Variants in SOHLH2 observed in about 807,000 individuals in gnomAD.
The protein encoded by SOHLH2 is spermatogenesis and oogenesis specific basic helix-loop-helix 2, also known as spermatogenesis- and oogenesis-specific basic helix-loop-helix-containing protein 2.
A neutral mutation model predicts 50.4 loss-of-function variants in SOHLH2; 22 were observed. The ratio of observed to expected loss-of-function variants is 0.44; its 90% CI spans 0.31 to 0.62. The LOEUF is 0.62. SOHLH2 is among the 20% of genes least tolerant of loss of function. The probability of loss-of-function intolerance (pLI) is 0.08; values close to 1 mark genes in which losing one functional copy is unlikely to be tolerated. For missense variants in SOHLH2, 412 were observed against 504.4 expected (o/e 0.82, Z 1.76); for synonymous variants, 185 against 187.3 (o/e 0.99, Z 0.10).
intron 9 of SOHLH2, among the ~76,000 whole-genome samples, chr13:36,171,874 T>TA (rs1001767261): frequency 1.3e-5 from 2 of 151,936 alleles, no homozygotes; most frequent in African/African-American, 4.8e-5. Flanking sequence ...CAAAGTTAAG[T>TA]AAAAAAATTC....
At chr13:36,181,902 G>T in intron 6 of SOHLH2, 1 of 525,612 alleles carries the variant, frequency 1.9e-6, no homozygotes, top group Non-Finnish European at 2.4e-6. Flanking sequence ...ATCTGAAAAT[G>T]TCTTTATCTT....
chr13:36,189,070 C>A (rs1474858887), intron 6 of SOHLH2, among the ~76,000 whole-genome samples: 1 of 152,116 alleles, frequency 6.6e-6, no homozygotes, highest in East Asian at 1.9e-4. Context: ...GGGAGTTACA[C>A]CTCACTTATC....
intron 2 of SOHLH2, among the ~76,000 whole-genome samples, chr13:36,194,608 A>C (rs529937548): frequency 2.6e-5 from 4 of 152,326 alleles, no homozygotes; most frequent in African/African-American, 9.6e-5. Context: ...GAAATTTTTC[A>C]AATAAAACTT....
chr13:36,189,872 AC>A (rs1359256745), intron 6 of SOHLH2, 73 bp downstream of exon 6: 5 of 1,384,490 alleles, frequency 3.6e-6, no homozygotes, highest in African/African-American at 1.5e-5. Context: ...TAATAATACT[AC>A]AAAAAATTAT....
chr13:36,192,980 G>A (rs183788936), intron 4 of SOHLH2, among the ~76,000 whole-genome samples: 9 of 152,150 alleles, frequency 5.9e-5, no homozygotes, highest in Non-Finnish European at 5.9e-5. Context: ...ATCCCAGGCC[G>A]AGAAAGACCA....
chr13:36,212,266 A>G (rs1193111600), intron 1 of SOHLH2, among the ~76,000 whole-genome samples: 2 of 152,172 alleles, frequency 1.3e-5, no homozygotes, highest in South Asian at 4.1e-4. Flanking sequence ...GACATAAAGC[A>G]GCTCTGGAAA....
Position 36,206,146 on chromosome 13 carries a change from A to G in SOHLH2, c.49-4053T>C, listed in dbSNP as rs117385188. On this transcript the variant is annotated intron_variant, in intron 1 of 10. Transcript: ENST00000379881. Reference sequence around the variant, plus strand: ...CATGCGGCTATTTAAACTTATGTTAATTAAAATTAATTAAAGTTTGAAATT... The same window carrying G: ...CATGCGGCTATTTAAACTTATGTTAGTTAAAATTAATTAAAGTTTGAAATT... 9.9e-3 allele frequency among the ~76,000 whole-genome samples: 1,507 copies of G among 152,124 alleles called. 8 individuals carry two copies. Among genetic ancestry groups the G allele is most frequent in the Non-Finnish European group, 0.017 (1,174 of 67,906 alleles).
At chr13:36,193,036 G>A (rs372132819) in intron 4 of SOHLH2, among the ~76,000 whole-genome samples, 127 of 152,204 alleles carry the variant, frequency 8.3e-4, no homozygotes, top group Middle Eastern at 3.4e-3. Context: ...TTTAATTTCC[G>A]TAATTGGAGT....
intron 2 of SOHLH2, among the ~76,000 whole-genome samples, chr13:36,196,020 G>T (rs1360350104): frequency 6.6e-6 from 1 of 151,804 alleles, no homozygotes; most frequent in Admixed American, 6.6e-5. Context: ...GGAATAGGGG[G>T]ATCAGAATGA....
At position 36,198,270 on chromosome 13, in the gene SOHLH2, G is replaced by A. The variant is rs564659751; in HGVS notation, c.263+3609C>T. 9.2e-5 allele frequency among the ~76,000 whole-genome samples: 14 copies of A among 152,214 alleles called. No individual in the cohort carries two copies. In the East Asian group the frequency reaches 2.1e-3, roughly 23 times the overall value. On this transcript the variant is annotated intron_variant, in intron 2 of 10. Coordinates refer to ENST00000379881, the MANE Select transcript of SOHLH2 (RefSeq NM_017826.3). ...GAACCATTTCATTGAGAAGAAAACC[G>A]CAACTCCCCATATACTGACGAGTTT...
At chr13:36,174,419 T>C (rs1056999145) in intron 8 of SOHLH2, 57 bp downstream of exon 8, 155 of 1,603,676 alleles carry the variant, frequency 9.7e-5, no homozygotes, top group Non-Finnish European at 1.3e-4. Context: ...ATATTTAGCA[T>C]CAACATGGGA....
intron 4 of SOHLH2, among the ~76,000 whole-genome samples, chr13:36,192,418 T>G (rs1467648561): frequency 6.6e-6 from 1 of 151,956 alleles, no homozygotes; most frequent in Non-Finnish European, 1.5e-5. Flanking sequence ...TAAGAAGAGG[T>G]TGCAAAAGCC....
intron 6 of SOHLH2, among the ~76,000 whole-genome samples, chr13:36,184,976 G>A (rs147498646): frequency 1.0e-3 from 152 of 151,854 alleles, no homozygotes; most frequent in African/African-American, 3.5e-3. Flanking sequence ...CTGTGTCCAC[G>A]GGTTCTCATT....
chr13:36,191,748 A>C (rs752921661), intron 5 of SOHLH2, 47 bp downstream of exon 5: 2 of 1,608,736 alleles, frequency 1.2e-6, no homozygotes, highest in South Asian at 2.2e-5. Flanking sequence ...CACAATCAAT[A>C]AGTTCTCTAA....
rs975123840 is a variant in SOHLH2, at chr13:36,185,267, G to A, written c.641+4679C>T. ...GCGGATCACGAGGTCAGGAGTTTGA[G>A]ATCAGCCTGGCCAACATGGTGAAAC... On this transcript the variant is annotated intron_variant, in intron 6 of 10. Coordinates refer to ENST00000379881, the MANE Select transcript of SOHLH2 (RefSeq NM_017826.3). 7.2e-5 allele frequency among the ~76,000 whole-genome samples: 11 copies of A among 152,250 alleles called. No homozygotes were observed. In the South Asian group the frequency reaches 8.3e-4, roughly 11 times the overall value.
At chr13:36,203,601 C>T (rs976713490) in intron 1 of SOHLH2, among the ~76,000 whole-genome samples, 11 of 152,146 alleles carry the variant, frequency 7.2e-5, no homozygotes, top group African/African-American at 2.4e-4. Flanking sequence ...GTTTTGCATA[C>T]TCCAAAGGAT....
chr13:36,201,960 T>C lies in SOHLH2; in HGVS notation c.182A>G (p.Asp61Gly). The C allele has an allele frequency of 6.2e-7, 1 of 1,614,188 alleles. No individual in the cohort carries two copies. ...GAGAACCATGTTGAATATGCAATCA[T>C]CCAAAAGCGCTGCTGCCTCCTTCGT... ...SDTKEAAALL[D>G]DCIFNMVLLK... The change falls in exon 2 of 11, where the codon GAT becomes GGT. Residue 61 changes from aspartate to glycine, a missense_variant. Physicochemically the swap from Asp to Gly is moderately conservative, Grantham distance 94 (BLOSUM62 -1). Coordinates refer to ENST00000379881, the MANE Select transcript of SOHLH2 (RefSeq NM_017826.3).
At chr13:36,173,586 G>T in intron 9 of SOHLH2, 106 bp downstream of exon 9, 1 of 1,337,896 alleles carries the variant, frequency 7.5e-7, no homozygotes, top group Non-Finnish European at 1.1e-6. Flanking sequence ...GGACTCATCA[G>T]CTCTCCTGGA....
At chr13:36,173,589 C>A (rs1887019780) in intron 9 of SOHLH2, 103 bp downstream of exon 9, 2 of 1,390,920 alleles carry the variant, frequency 1.4e-6, no homozygotes, top group Admixed American at 1.7e-5. Flanking sequence ...CTCATCAGCT[C>A]TCCTGGATTC....
Sources: gnomAD v4.1 joint callset for allele counts (sites outside exome capture counted in the v4.1 genomes callset) on GRCh38, gnomAD v4.1.1 for gene constraint, MANE v1.5 for transcripts, NCBI Gene and HGNC (gene_info 2026-07-23, HGNC 2026-07-21) for gene names.